Variants in CEP85L observed in about 807,000 individuals in gnomAD.
CEP85L encodes the protein centrosomal protein of 85 kDa-like.
A neutral mutation model predicts 100.3 loss-of-function variants in CEP85L; 60 were observed. The ratio of observed to expected loss-of-function variants is 0.60; its 90% confidence interval spans 0.49 to 0.74. The LOEUF (loss-of-function observed/expected upper bound fraction) is 0.74, where lower values mean the gene tolerates loss of function less well. Ranked by LOEUF, CEP85L falls within the 30% of genes least tolerant of loss-of-function variation. The pLI is 0.00. For missense variants in CEP85L, 973 were observed against 936.2 expected (o/e 1.04, Z -0.51); for synonymous variants, 319 against 322.7 (o/e 0.99, Z 0.12).
chr6:118,588,437 G>C (rs62422192), intron 2 of CEP85L, among the ~76,000 whole-genome samples: 1 of 152,212 alleles, frequency 6.6e-6, no homozygotes, highest in Non-Finnish European at 1.5e-5. Context: ...GGCCTTAGAT[G>C]TCCTTACAGC....
At chr6:118,563,575 G>A (rs1234302873) in intron 3 of CEP85L, among the ~76,000 whole-genome samples, 1 of 152,048 alleles carries the variant, frequency 6.6e-6, no homozygotes, top group African/African-American at 2.4e-5. Context: ...TTCTCTTTAT[G>A]TAAAAATTAG....
chr6:118,496,504 G>A (rs750786034), intron 5 of CEP85L, among the ~76,000 whole-genome samples: 2 of 152,004 alleles, frequency 1.3e-5, no homozygotes, highest in Non-Finnish European at 2.9e-5. Context: ...ACAGGCATGC[G>A]CCACCAAGCC....
intron 2 of CEP85L, among the ~76,000 whole-genome samples, chr6:118,614,951 C>A (rs946995602): frequency 6.6e-6 from 1 of 152,104 alleles, no homozygotes; most frequent in African/African-American, 2.4e-5. Flanking sequence ...AAATGTATTT[C>A]TAAACTTATT....
intron 1 of CEP85L, among the ~76,000 whole-genome samples, chr6:118,699,222 G>A (rs1053880693): frequency 5.9e-5 from 9 of 152,142 alleles, no homozygotes; most frequent in African/African-American, 2.2e-4. Flanking sequence ...GGAGGCTGAG[G>A]TGGGAGGATC....
chr6:118,630,657 T>A (rs887039964), intron 2 of CEP85L, among the ~76,000 whole-genome samples: 1 of 152,152 alleles, frequency 6.6e-6, no homozygotes, highest in Non-Finnish European at 1.5e-5. Context: ...TAAATGCATA[T>A]TACTAAGTGA....
intron 1 of CEP85L, among the ~76,000 whole-genome samples, chr6:118,709,198 A>G (rs1259139929): frequency 6.6e-6 from 1 of 152,146 alleles, no homozygotes; most frequent in African/African-American, 2.4e-5. Flanking sequence ...CCTCCATGAA[A>G]TCATGAGAAC....
At chr6:118,607,237 C>T (rs1361420288) in intron 2 of CEP85L, among the ~76,000 whole-genome samples, 2 of 152,090 alleles carry the variant, frequency 1.3e-5, no homozygotes, top group Non-Finnish European at 2.9e-5. Context: ...CACGTGGTCT[C>T]TGGGCAAGAT....
chr6:118,679,081 C>T (rs1406125256), intron 1 of CEP85L, among the ~76,000 whole-genome samples: 2 of 152,204 alleles, frequency 1.3e-5, no homozygotes, highest in African/African-American at 4.8e-5. Context: ...ACTTAGTCAT[C>T]AGCTGAATAT....
At chr6:118,558,626 TAC>T (rs371775061) in intron 3 of CEP85L, among the ~76,000 whole-genome samples, 2,911 of 111,572 alleles carry the variant, frequency 0.026, 59 homozygotes, top group East Asian at 0.079. Context: ...CACGTGCACA[TAC>T]ACACACACAC....
intron 2 of CEP85L, among the ~76,000 whole-genome samples, chr6:118,585,279 C>T (rs1041549088): frequency 5.9e-5 from 9 of 152,118 alleles, no homozygotes; most frequent in African/African-American, 1.9e-4. Context: ...CCATTTGGAA[C>T]GAAAGGCATT....
chr6:118,530,208 C>A lies in CEP85L; in HGVS notation c.1021-6288G>T, dbSNP rs371474051. 3.3e-5 allele frequency among the ~76,000 whole-genome samples: 5 copies of A among 151,834 alleles called. No homozygotes were observed. The East Asian group carries it at 9.7e-4, about 29-fold the overall frequency. On this transcript the variant is annotated intron_variant, in intron 3 of 12. Transcript: ENST00000368491. ...CAATCATATTACCAACTTTAGCACA[C>A]CTCTAAGAAAGACACCATGTAAAGT...
intron 2 of CEP85L, among the ~76,000 whole-genome samples, chr6:118,611,603 G>A (rs531451194): frequency 7.2e-5 from 11 of 152,210 alleles, no homozygotes; most frequent in South Asian, 2.1e-4. Flanking sequence ...CAACTATGCC[G>A]TTACAAGTCA....
chr6:118,549,164 A>G (rs1280194297), intron 3 of CEP85L, among the ~76,000 whole-genome samples: 1 of 151,966 alleles, frequency 6.6e-6, no homozygotes, highest in Non-Finnish European at 1.5e-5. Flanking sequence ...ACACACGAAT[A>G]TTCTTAACTA....
At chr6:118,500,326 A>G (rs1399623620) in intron 5 of CEP85L, among the ~76,000 whole-genome samples, 1 of 152,110 alleles carries the variant, frequency 6.6e-6, no homozygotes, top group Non-Finnish European at 1.5e-5. Flanking sequence ...ATATGATCAA[A>G]CAGCAAACTA....
At chr6:118,534,060 C>T (rs1777446555) in intron 3 of CEP85L, among the ~76,000 whole-genome samples, 1 of 151,928 alleles carries the variant, frequency 6.6e-6, no homozygotes, top group Admixed American at 6.6e-5. Flanking sequence ...TGAGATCACA[C>T]GATTGCACTC....
chr6:118,601,544 G>T (rs577995853), intron 2 of CEP85L, among the ~76,000 whole-genome samples: 1 of 152,126 alleles, frequency 6.6e-6, no homozygotes, highest in Non-Finnish European at 1.5e-5. Flanking sequence ...ATCTGTTTTG[G>T]GGTATCATCC....
intron 1 of CEP85L, among the ~76,000 whole-genome samples, chr6:118,648,807 T>C (rs1286055084): frequency 6.6e-6 from 1 of 151,902 alleles, no homozygotes; most frequent in Non-Finnish European, 1.5e-5. Flanking sequence ...TCTAGTTATA[T>C]ATTTGTATAA....
At chr6:118,684,768 C>A (rs1013768881) in intron 1 of CEP85L, among the ~76,000 whole-genome samples, 2 of 152,142 alleles carry the variant, frequency 1.3e-5, no homozygotes, top group Non-Finnish European at 2.9e-5. Flanking sequence ...CATAACAAGG[C>A]ATTTTGATCT....
At chr6:118,617,334 C>A (rs985415271) in intron 2 of CEP85L, among the ~76,000 whole-genome samples, 1 of 152,170 alleles carries the variant, frequency 6.6e-6, no homozygotes, top group Non-Finnish European at 1.5e-5. Flanking sequence ...TCCCCCGAAA[C>A]CAGAGTTAAA....
Sources: gnomAD v4.1 joint callset for allele counts (sites outside exome capture counted in the v4.1 genomes callset) on GRCh38, gnomAD v4.1.1 for gene constraint, MANE v1.5 for transcripts, NCBI Gene and HGNC (gene_info 2026-07-23, HGNC 2026-07-21) for gene names.